USP15: variants seen among roughly 807,000 people sequenced by gnomAD.
The protein encoded by USP15 is ubiquitin specific peptidase 15.
A neutral mutation model predicts 127.1 loss-of-function variants in USP15; 18 were observed. The ratio of observed to expected loss-of-function variants is 0.14; its 90% CI spans 0.10 to 0.21. USP15 has a LOEUF of 0.21. Among genes scored for constraint, USP15 ranks in the 10% least tolerant of loss-of-function variants. The pLI, the probability that USP15 is intolerant of heterozygous loss-of-function variation, is 1.00. For missense variants in USP15, 805 were observed against 1,159.9 expected (o/e 0.69, Z 4.44); for synonymous variants, 364 against 393.7 (o/e 0.92, Z 0.89).
chr12:62,289,697 TTGTGTGTGTGTGTGTG>T (rs71450579), intron 1 of USP15, among the ~76,000 whole-genome samples: 16 of 135,498 alleles, frequency 1.2e-4, no homozygotes, highest in Admixed American at 8.9e-4. Flanking sequence ...GGTTGTTAAT[TTGTGTGTGTGTGTGTG>T]TGTGTGTGTG....
chr12:62,310,556 T>G (rs2064639570), intron 3 of USP15, among the ~76,000 whole-genome samples: 1 of 151,906 alleles, frequency 6.6e-6, no homozygotes, highest in South Asian at 2.1e-4. Context: ...TCAAAAGACA[T>G]GATTTCATTC....
At chr12:62,316,750 A>G (rs2064841756) in intron 4 of USP15, among the ~76,000 whole-genome samples, 1 of 152,102 alleles carries the variant, frequency 6.6e-6, no homozygotes. Context: ...AACTCAGGAA[A>G]ATCAGCAACT....
At chr12:62,267,102 A>C (rs1429116796) in intron 1 of USP15, 1 of 152,112 alleles carries the variant, frequency 6.6e-6, no homozygotes, top group Non-Finnish European at 1.5e-5. Flanking sequence ...ATTTTTCAAC[A>C]ATTACTAAAT....
intron 8 of USP15, among the ~76,000 whole-genome samples, chr12:62,371,890 C>T (rs909448192): frequency 1.1e-4 from 17 of 152,110 alleles, no homozygotes; most frequent in African/African-American, 4.1e-4. Flanking sequence ...TCTGCAACTT[C>T]TTCTGTGTGT....
chr12:62,289,697 TTGTGTGTGTGTGTG>T (rs71450579), intron 1 of USP15, among the ~76,000 whole-genome samples: 5 of 135,428 alleles, frequency 3.7e-5, no homozygotes, highest in African/African-American at 1.4e-4. Flanking sequence ...GGTTGTTAAT[TTGTGTGTGTGTGTG>T]TGTGTGTGTG....
At chr12:62,400,433 A>G (rs1029575367) in intron 20 of USP15, among the ~76,000 whole-genome samples, 1 of 152,090 alleles carries the variant, frequency 6.6e-6, no homozygotes, top group East Asian at 1.9e-4. Flanking sequence ...CTTCATTCAC[A>G]TAAATTGAAC....
In USP15 at chr12:62,406,312, A is replaced by G. The variant is rs995431605; in HGVS notation, c.*1937A>G. 2 of 152,202 alleles carry G rather than the reference A, an allele frequency of 1.3e-5. No homozygotes were observed. The highest frequency in any genetic ancestry group is 6.5e-5 in the Admixed American group (1 of 15,276). The allele number at this position is 152,202 out of a possible 1,614,324, so 9.4% of individuals were successfully genotyped here. On this transcript the variant is annotated 3_prime_UTR_variant, in exon 22 of 22. Coordinates refer to ENST00000280377, the MANE Select transcript of USP15 (RefSeq NM_001252078.2). ...CCACTTTAATATTTATTCATTAAAC[A>G]TATGTTTGTGTACCAATCACTGTTG...
chr12:62,315,386 A>G (rs1432127666), intron 4 of USP15, among the ~76,000 whole-genome samples: 1 of 151,968 alleles, frequency 6.6e-6, no homozygotes, highest in Non-Finnish European at 1.5e-5. Context: ...TTGTAAGTCA[A>G]ATATAAGTGG....
rs2067966505 is a variant in USP15, at chr12:62,408,969, A to G, written c.*4594A>G. 6.6e-6 allele frequency: 1 copy of G among 152,176 alleles called. No homozygotes were observed. Among genetic ancestry groups the G allele is most frequent in the Admixed American group, 6.6e-5 (1 of 15,256 alleles). The allele number at this position is 152,176 out of a possible 1,614,324, so 9.4% of individuals were successfully genotyped here. A position where few individuals can be genotyped will look rare whatever the true frequency, so the allele number is the denominator to read the frequency against. ...TTTTATAAGCTACATAGAATACATC[A>G]AAATTTTATAAGCTGCATAGAATAG... On this transcript the variant is annotated 3_prime_UTR_variant, in exon 22 of 22. Coordinates refer to ENST00000280377, the MANE Select transcript of USP15 (RefSeq NM_001252078.2).
chr12:62,327,512 T>G (rs2065161787), intron 6 of USP15: 1 of 357,522 alleles, frequency 2.8e-6, no homozygotes, highest in African/African-American at 2.2e-5. Context: ...GCTATATCTT[T>G]AAGTTATTTT....
chr12:62,325,944 C>G lies in USP15; in HGVS notation c.683+11C>G. 6.2e-7 allele frequency: 1 copy of G among 1,605,872 alleles called. No individual in the cohort carries two copies. Among genetic ancestry groups the G allele is most frequent in the Non-Finnish European group, 8.5e-7 (1 of 1,175,572 alleles). On this transcript the variant is annotated intron_variant, in intron 6 of 21. Transcript: ENST00000280377. The stretch of plus-strand genomic sequence containing the variant: ...TCCTTCTACTCCTAAGTAAGTGCTC[C>G]CACTTCTTATGGCTTATTGTATGAT...
chr12:62,388,530 A>G (rs1317647032), intron 11 of USP15, among the ~76,000 whole-genome samples: 1 of 152,236 alleles, frequency 6.6e-6, no homozygotes, highest in African/African-American at 2.4e-5. Flanking sequence ...ATCAATTGAT[A>G]TTGGGCACTG....
intron 1 of USP15, among the ~76,000 whole-genome samples, chr12:62,272,075 CT>C (rs943018061): frequency 7.3e-5 from 11 of 151,150 alleles, no homozygotes; most frequent in African/African-American, 2.7e-4. Context: ...AGTGAAATAT[CT>C]GATTTATAAT....
chr12:62,300,251 A>G (rs1434034554), intron 2 of USP15, among the ~76,000 whole-genome samples: 5 of 152,038 alleles, frequency 3.3e-5, no homozygotes, highest in Non-Finnish European at 7.4e-5. Flanking sequence ...ATTTATACTT[A>G]CATTTTCTTT....
intron 1 of USP15, among the ~76,000 whole-genome samples, chr12:62,289,404 T>C (rs1441525514): frequency 6.6e-6 from 1 of 152,188 alleles, no homozygotes; most frequent in African/African-American, 2.4e-5. Flanking sequence ...GTGATGCTCA[T>C]AGTAGTCTCT....
At chr12:62,345,650 T>C (rs2065793447) in intron 6 of USP15, among the ~76,000 whole-genome samples, 1 of 152,180 alleles carries the variant, frequency 6.6e-6, no homozygotes, top group African/African-American at 2.4e-5. Context: ...TTTACTCTTT[T>C]AGTCAGTTTT....
At chr12:62,360,795 C>G (rs1407859164) in intron 8 of USP15, among the ~76,000 whole-genome samples, 1 of 152,010 alleles carries the variant, frequency 6.6e-6, no homozygotes, top group South Asian at 2.1e-4. Context: ...TTTAAAACTA[C>G]TACTTTCTAG....
chr12:62,330,363 C>T (rs1334815853), intron 6 of USP15, among the ~76,000 whole-genome samples: 1 of 148,730 alleles, frequency 6.7e-6, no homozygotes, highest in Admixed American at 6.8e-5. Context: ...CCGAGGCAGG[C>T]AGATCATTTG....
At chr12:62,304,169 C>G (rs2064407712) in intron 3 of USP15, among the ~76,000 whole-genome samples, 2 of 152,058 alleles carry the variant, frequency 1.3e-5, no homozygotes, top group South Asian at 4.1e-4. Context: ...ATTTCATTGC[C>G]ATTACTCTTT....
Sources: gnomAD v4.1 joint callset for allele counts (sites outside exome capture counted in the v4.1 genomes callset) on GRCh38, gnomAD v4.1.1 for gene constraint, MANE v1.5 for transcripts, NCBI Gene and HGNC (gene_info 2026-07-23, HGNC 2026-07-21) for gene names.